Variants in MTMR8 observed in about 807,000 individuals in gnomAD.
The protein encoded by MTMR8 is phosphatidylinositol-3,5-bisphosphate 3-phosphatase MTMR8.
MTMR8 carries 65 observed loss-of-function variants against 39.3 expected under a neutral mutation model. That is an observed-to-expected ratio of 1.65 (90% CI 1.35 to 2.03). The LOEUF is 2.03. Among genes scored for constraint, MTMR8 ranks in the 30% most tolerant of loss-of-function variants. The pLI is 0.00. For missense variants in MTMR8, 777 were observed against 538.9 expected (o/e 1.44, Z -4.37); for synonymous variants, 245 against 185.2 (o/e 1.32, Z -2.62).
At chrX:64,358,070 T>C (rs1342157881) in intron 2 of MTMR8, among the ~76,000 whole-genome samples, 1 of 111,895 alleles carries the variant, frequency 8.9e-6, no homozygotes, top group African/African-American at 3.2e-5. Context: ...TCTGGAGACA[T>C]CTGTACTGTC....
intron 1 of MTMR8, chrX:64,360,341 C>A (rs779975687): frequency 6.9e-5 from 19 of 276,207 alleles, no homozygotes; most frequent in African/African-American, 1.5e-4. Flanking sequence ...GGAACAAGTG[C>A]ACATGGATAT....
intron 12 of MTMR8, chrX:64,306,616 T>C (rs1436962992): frequency 8.8e-6 from 1 of 113,557 alleles, no homozygotes; most frequent in Admixed American, 9.5e-5. Context: ...GAGATGTTCA[T>C]CTCTTTTATT....
chrX:64,286,317 A>G (rs1247114066), intron 12 of MTMR8, among the ~76,000 whole-genome samples: 2 of 112,152 alleles, frequency 1.8e-5, no homozygotes, highest in Non-Finnish European at 3.8e-5. Context: ...TGAGGCAATA[A>G]TTAATAGCTT....
At chrX:64,365,341 T>G (rs1923917648) in intron 1 of MTMR8, among the ~76,000 whole-genome samples, 1 of 104,603 alleles carries the variant, frequency 9.6e-6, no homozygotes, top group South Asian at 4.2e-4. Context: ...AAGGAAAAAA[T>G]GTTAAGGGCA....
intron 1 of MTMR8, among the ~76,000 whole-genome samples, chrX:64,392,084 T>A (rs1161021711): frequency 9.0e-6 from 1 of 111,497 alleles, no homozygotes; most frequent in African/African-American, 3.3e-5. Flanking sequence ...TTAGGGCAGG[T>A]CTGAGACGCT....
intron 12 of MTMR8, among the ~76,000 whole-genome samples, chrX:64,299,716 T>G (rs1270553226): frequency 9.9e-6 from 1 of 100,910 alleles, no homozygotes; most frequent in African/African-American, 3.6e-5. Context: ...TGTGGGCATT[T>G]CGTGCTATAA....
At chrX:64,368,944 G>T (rs111651061) in intron 1 of MTMR8, among the ~76,000 whole-genome samples, 1 of 112,348 alleles carries the variant, frequency 8.9e-6, no homozygotes, top group Non-Finnish European at 1.9e-5. Context: ...CAAAAAGTTG[G>T]TGAAGGATAT....
chrX:64,375,890 G>T (rs140467906), intron 1 of MTMR8, among the ~76,000 whole-genome samples: 1 of 111,913 alleles, frequency 8.9e-6, no homozygotes, highest in East Asian at 2.8e-4. Context: ...CTGGTGGGAG[G>T]TGACTGGATC....
At chrX:64,383,146 G>T (rs905707013) in intron 1 of MTMR8, among the ~76,000 whole-genome samples, 1 of 111,015 alleles carries the variant, frequency 9.0e-6, no homozygotes, top group East Asian at 2.8e-4. Context: ...AAAGAAAAAA[G>T]ATCTCTTTTG....
At chrX:64,318,295 C>A (rs963892887) in intron 12 of MTMR8, among the ~76,000 whole-genome samples, 1 of 112,417 alleles carries the variant, frequency 8.9e-6, no homozygotes, top group Non-Finnish European at 1.9e-5. Context: ...CCTGACATGG[C>A]CTTTTCTGGC....
chrX:64,374,881 C>T (rs1027029906), intron 1 of MTMR8, among the ~76,000 whole-genome samples: 5 of 108,445 alleles, frequency 4.6e-5, no homozygotes, highest in African/African-American at 6.7e-5. Context: ...GAGATTGGAG[C>T]GATGGATATA....
At chrX:64,361,428 GAC>G (rs1271103050) in intron 1 of MTMR8, among the ~76,000 whole-genome samples, 1 of 111,275 alleles carries the variant, frequency 9.0e-6, no homozygotes, top group Non-Finnish European at 1.9e-5. Context: ...ATGAAATGTA[GAC>G]ACAAAAAATG....
In MTMR8 at chrX:64,336,127, A is replaced by G. The variant is rs1481314447; in HGVS notation, c.1103T>C (p.Ile368Thr). The G allele has an allele frequency of 4.2e-6, 5 of 1,181,406 alleles. No individual in the cohort carries two copies. The highest frequency in any genetic ancestry group is 5.7e-6 in the Non-Finnish European group (5 of 875,427). ...GGATATCCATTCCTTCTCTATCAAG[A>G]TCTTCATTTTATAGAAAAGAAAGTG... ...PFYRTFKGLM[I>T]LIEKEWISMG... The change falls in exon 10 of 14, where the codon ATC becomes ACC. Residue 368 changes from isoleucine (I) to threonine (T), a missense_variant and splice_region_variant. Coordinates refer to ENST00000374852, the MANE Select transcript of MTMR8 (RefSeq NM_017677.4).
At chrX:64,312,018 C>T (rs1458509183) in intron 12 of MTMR8, among the ~76,000 whole-genome samples, 3 of 110,790 alleles carry the variant, frequency 2.7e-5, no homozygotes, top group Non-Finnish European at 5.7e-5. Context: ...AACTTTAAAG[C>T]AGTTTTTTCC....
intron 5 of MTMR8, 35 bp downstream of exon 5, chrX:64,349,907 G>C (rs753772670): frequency 1.8e-6 from 2 of 1,083,180 alleles, no homozygotes; most frequent in Non-Finnish European, 2.4e-6. Flanking sequence ...CCAGAGCCAT[G>C]TTTAATTATC....
chrX:64,308,843 A>G (rs1390526168), intron 12 of MTMR8, among the ~76,000 whole-genome samples: 3 of 111,349 alleles, frequency 2.7e-5, no homozygotes, highest in Non-Finnish European at 5.7e-5. Flanking sequence ...TTCTGGCACC[A>G]TTGGTTAAAA....
chrX:64,288,714 T>C (rs1002222491), intron 12 of MTMR8, among the ~76,000 whole-genome samples: 6 of 111,423 alleles, frequency 5.4e-5, no homozygotes, highest in Non-Finnish European at 9.4e-5. Context: ...TCATGTCCTT[T>C]GCAGGGACAT....
chrX:64,280,497 G>A (rs1931981554), intron 12 of MTMR8, among the ~76,000 whole-genome samples: 1 of 111,417 alleles, frequency 9.0e-6, no homozygotes, highest in Non-Finnish European at 1.9e-5. Context: ...AAAATTCAAT[G>A]TCCTTCATGT....
At chrX:64,302,704 C>A (rs1056177060) in intron 12 of MTMR8, among the ~76,000 whole-genome samples, 1 of 112,358 alleles carries the variant, frequency 8.9e-6, no homozygotes, top group African/African-American at 3.2e-5. Flanking sequence ...ATATAGCCCA[C>A]ATGAGTATAT....
Sources: gnomAD v4.1 joint callset for allele counts (sites outside exome capture counted in the v4.1 genomes callset) on GRCh38, gnomAD v4.1.1 for gene constraint, MANE v1.5 for transcripts, NCBI Gene and HGNC (gene_info 2026-07-23, HGNC 2026-07-21) for gene names.